Variants in DLG1 observed in about 807,000 individuals in gnomAD.
The protein encoded by DLG1 is disks large homolog 1.
DLG1 carries 42 observed loss-of-function variants against 123.4 expected under a neutral mutation model. The ratio of observed to expected loss-of-function variants is 0.34; its 90% CI spans 0.27 to 0.44. DLG1 has a LOEUF of 0.44. Ranked by LOEUF, DLG1 falls within the 20% of genes least tolerant of loss-of-function variation. The probability of loss-of-function intolerance (pLI) is 1.00; values close to 1 mark genes in which losing one functional copy is unlikely to be tolerated. For missense variants in DLG1, 942 were observed against 1,082.6 expected (o/e 0.87, Z 1.82); for synonymous variants, 317 against 356.2 (o/e 0.89, Z 1.24).
intron 12 of DLG1, among the ~76,000 whole-genome samples, chr3:197,118,584 C>T (rs1774557493): frequency 6.6e-6 from 1 of 152,052 alleles, no homozygotes; most frequent in African/African-American, 2.4e-5. Context: ...TAAGAACAGA[C>T]ATTACTTAGT....
intron 9 of DLG1, among the ~76,000 whole-genome samples, chr3:197,137,315 T>TC (rs1478673844): frequency 1.3e-5 from 2 of 152,192 alleles, no homozygotes; most frequent in African/African-American, 2.4e-5. Flanking sequence ...ATCTTAACAG[T>TC]CCTTTACTGC....
intron 8 of DLG1, among the ~76,000 whole-genome samples, chr3:197,138,944 G>C (rs1193266175): frequency 4.6e-5 from 7 of 152,140 alleles, no homozygotes; most frequent in Non-Finnish European, 8.8e-5. Context: ...AGGTCACAGA[G>C]ATAGTGTGAA....
intron 6 of DLG1, among the ~76,000 whole-genome samples, chr3:197,147,988 A>G (rs758547068): frequency 7.2e-5 from 11 of 151,866 alleles, no homozygotes; most frequent in Non-Finnish European, 1.6e-4. Flanking sequence ...GTAATAAATG[A>G]GTTCAGCAAG....
In DLG1 at chr3:197,061,749, G is replaced by C. The variant is rs570092391; in HGVS notation, c.2374-1751C>G. Among the ~76,000 whole-genome samples the C allele has an allele frequency of 4.5e-4, 68 of 152,094 alleles. 1 individual carries two copies. The South Asian group carries it at 0.014, about 31-fold the overall frequency. ...ACAGACATAATGTGTGTCCTTCTTA[G>C]TCCATCATATCTGGGAGGCGATATT... On this transcript the variant is annotated intron_variant, in intron 22 of 24. Transcript: ENST00000667157.
At chr3:197,047,817 C>T (rs1359567408) in intron 24 of DLG1, among the ~76,000 whole-genome samples, 1 of 151,920 alleles carries the variant, frequency 6.6e-6, no homozygotes, top group Admixed American at 6.6e-5. Flanking sequence ...CCATAAAACT[C>T]CTAGAAGAAA....
intron 18 of DLG1, among the ~76,000 whole-genome samples, chr3:197,072,688 A>C (rs1277566494): frequency 7.3e-5 from 11 of 151,466 alleles, no homozygotes; most frequent in East Asian, 1.9e-4. Context: ...CTTAAAAAAA[A>C]AAAAAACAAA....
At position 197,210,159 on chromosome 3, in the gene DLG1, C is replaced by T. The variant is rs182064099; in HGVS notation, c.319-15570G>A. ...GAACTATTAACAAACTTTACAAGTA[C>T]TTAAAAGGAAATCTGTAGCTTTAAC... is the stretch of plus-strand genomic sequence containing the variant. On this transcript the variant is annotated intron_variant, in intron 4 of 24. Coordinates refer to ENST00000667157, the MANE Select transcript of DLG1 (RefSeq NM_001366207.1). 3.2e-3 allele frequency among the ~76,000 whole-genome samples: 456 copies of T among 143,886 alleles called. 17 individuals carry two copies. Among genetic ancestry groups the T allele is most frequent in the African/African-American group, 9.5e-3 (385 of 40,662 alleles). The allele number at this position is 143,886 out of a possible 152,430, so 94.4% of individuals were successfully genotyped here. A position where few individuals can be genotyped will look rare whatever the true frequency, so the allele number is the denominator to read the frequency against.
rs559862589 is a variant in DLG1, at chr3:197,213,510, A to G, written c.319-18921T>C. Among the ~76,000 whole-genome samples, 3 of 152,302 alleles carry G rather than the reference A, an allele frequency of 2.0e-5. No individual in the cohort carries two copies. In the South Asian group the frequency reaches 6.2e-4, roughly 32 times the overall value. On this transcript the variant is annotated intron_variant, in intron 4 of 24. Transcript: ENST00000667157. ...TTCACAGGGGTCTGCAGCTGTCAAA[A>G]CTAATCAAACTGTACGCTTTACACA...
At chr3:197,185,293 G>T (rs1715196139) in intron 5 of DLG1, among the ~76,000 whole-genome samples, 1 of 152,136 alleles carries the variant, frequency 6.6e-6, no homozygotes, top group African/African-American at 2.4e-5. Flanking sequence ...CTACAATGTT[G>T]AGGTCCACTG....
rs1324707428 is a variant in DLG1 at position 197,069,275 on chromosome 3, C to G, written c.2006-15G>C. 3 of 1,562,106 alleles carry G rather than the reference C, an allele frequency of 1.9e-6. No homozygotes were observed. In the South Asian group the frequency reaches 3.6e-5, roughly 19 times the overall value. On this transcript the variant is annotated splice_polypyrimidine_tract_variant and intron_variant, in intron 18 of 24. Coordinates refer to ENST00000667157, the MANE Select transcript of DLG1 (RefSeq NM_001366207.1). The stretch of plus-strand genomic sequence containing the variant: ...AGTTACATGCTCTGAAATTGCAGGA[C>G]AATGAAAAAAAATAAAACAGTGTCA...
chr3:197,101,598 C>T (rs1579196763), intron 14 of DLG1, among the ~76,000 whole-genome samples: 1 of 152,132 alleles, frequency 6.6e-6, no homozygotes. Context: ...ACCGTGTTAG[C>T]CAGAATGGTC....
intron 7 of DLG1, among the ~76,000 whole-genome samples, chr3:197,142,463 A>C (rs1463216116): frequency 6.6e-6 from 1 of 152,212 alleles, no homozygotes; most frequent in East Asian, 1.9e-4. Context: ...AATCCAGAGT[A>C]AATGGAAACT....
At chr3:197,053,441 T>C (rs954313064) in intron 23 of DLG1, among the ~76,000 whole-genome samples, 2 of 152,202 alleles carry the variant, frequency 1.3e-5, no homozygotes, top group South Asian at 4.2e-4. Flanking sequence ...CTTCAGTGTT[T>C]TGAACCCACT....
intron 18 of DLG1, chr3:197,069,560 A>C: frequency 4.8e-6 from 1 of 209,942 alleles, no homozygotes; most frequent in Non-Finnish European, 9.3e-6. Flanking sequence ...CCAAATGTAG[A>C]CATAAAACTC....
Position 197,241,817 on chromosome 3 carries a change from C to T in DLG1, c.318+40862G>A, listed in dbSNP as rs965664879. Among the ~76,000 whole-genome samples, 5 of 151,972 alleles carry T rather than the reference C, an allele frequency of 3.3e-5. No individual in the cohort carries two copies. The East Asian group carries it at 9.7e-4, about 29-fold the overall frequency. ...ATTTTTTTGTAAACCTCATGGTAAC[C>T]ACGATGCAAAAACCTATAACAAATT... On this transcript the variant is annotated intron_variant, in intron 4 of 24. Coordinates refer to ENST00000667157, the MANE Select transcript of DLG1 (RefSeq NM_001366207.1).
Position 197,208,602 on chromosome 3 carries a change from T to C in DLG1, c.319-14013A>G, listed in dbSNP as rs538152112. Among the ~76,000 whole-genome samples, 3 of 144,168 alleles carry C rather than the reference T, an allele frequency of 2.1e-5. 1 individual carries two copies. Among genetic ancestry groups the C allele is most frequent in the Non-Finnish European group, 4.6e-5 (3 of 64,568 alleles). 94.6% of individuals were successfully genotyped at this position (144,168 alleles called of 152,430 possible). ...AAATGATGAGAAAGGTCTTCAGGTA[T>C]GGAAATAGAAAAAACTCCAGAATAT... On this transcript the variant is annotated intron_variant, in intron 4 of 24. Coordinates refer to ENST00000667157, the MANE Select transcript of DLG1 (RefSeq NM_001366207.1).
chr3:197,164,642 C>G (rs1008718980), intron 5 of DLG1, among the ~76,000 whole-genome samples: 1 of 151,522 alleles, frequency 6.6e-6, no homozygotes, highest in Admixed American at 6.6e-5. Flanking sequence ...TGGCTCATGC[C>G]TGTAATCCTA....
chr3:197,251,424 A>T (rs1229022940), intron 4 of DLG1, among the ~76,000 whole-genome samples: 1 of 152,202 alleles, frequency 6.6e-6, no homozygotes, highest in African/African-American at 2.4e-5. Context: ...CCAAATAAGC[A>T]CGGTACTGGA....
chr3:197,108,980 A>G (rs1357470644), intron 13 of DLG1, among the ~76,000 whole-genome samples: 1 of 152,174 alleles, frequency 6.6e-6, no homozygotes, highest in Non-Finnish European at 1.5e-5. Context: ...TTCCTAGTGT[A>G]CCATTTTAAT....
Sources: gnomAD v4.1 joint callset for allele counts (sites outside exome capture counted in the v4.1 genomes callset) on GRCh38, gnomAD v4.1.1 for gene constraint, MANE v1.5 for transcripts, NCBI Gene and HGNC (gene_info 2026-07-23, HGNC 2026-07-21) for gene names.